The following DNAJC17 variants were observed in gnomAD, a reference collection of about 807,000 sequenced individuals.
The protein encoded by DNAJC17 is dnaJ homolog subfamily C member 17.
In DNAJC17, 35 loss-of-function variants were observed where a neutral mutation model predicts 48.1. The ratio of observed to expected loss-of-function variants is 0.73; its 90% confidence interval spans 0.56 to 0.96. The LOEUF (loss-of-function observed/expected upper bound fraction) is 0.96, where lower values mean the gene tolerates loss of function less well. DNAJC17 is among the 50% of genes least tolerant of loss of function. The pLI, the probability that DNAJC17 is intolerant of heterozygous loss-of-function variation, is 0.00. For synonymous variants in DNAJC17, 117 were observed against 142.7 expected, an observed-to-expected ratio of 0.82 and a Z score of 1.28; for missense variants, 355 against 377.1, an observed-to-expected ratio of 0.94 and a Z score of 0.48.
chr15:40,804,175 TC>T (rs1221448610), intron 1 of DNAJC17, among the ~76,000 whole-genome samples: 1 of 151,842 alleles, frequency 6.6e-6, no homozygotes, highest in Non-Finnish European at 1.5e-5. Flanking sequence ...TCACTACGTT[TC>T]CCAGGCTGGT....
rs536468576 is a variant in DNAJC17 at position 40,784,203 on chromosome 15, T to C, written c.79-4206A>G. On this transcript the variant is annotated intron_variant, in intron 1 of 10. Transcript: ENST00000220496. ...TGCACTCCAGCCTGGGCGACAAAAATAAAATTCTGTCTCAAAAAAAAAAAG... is the reference window on the plus strand; with the variant it reads ...TGCACTCCAGCCTGGGCGACAAAAACAAAATTCTGTCTCAAAAAAAAAAAG... 1.9e-4 allele frequency among the ~76,000 whole-genome samples: 29 copies of C among 150,578 alleles called. 1 individual carries two copies. In the South Asian group the frequency reaches 5.9e-3, roughly 30 times the overall value.
intron 1 of DNAJC17, among the ~76,000 whole-genome samples, chr15:40,797,098 C>T (rs1201150316): frequency 1.3e-5 from 2 of 151,988 alleles, no homozygotes; most frequent in African/African-American, 2.4e-5. Context: ...TGCCAGGGAT[C>T]GTAGCTCATG....
At chr15:40,791,396 C>T (rs1345289501) in intron 1 of DNAJC17, among the ~76,000 whole-genome samples, 2 of 151,828 alleles carry the variant, frequency 1.3e-5, no homozygotes, top group Admixed American at 1.3e-4. Context: ...GGTATGGTGG[C>T]GTGTGCCTGT....
At chr15:40,785,400 A>G (rs1283794993) in intron 1 of DNAJC17, among the ~76,000 whole-genome samples, 1 of 152,196 alleles carries the variant, frequency 6.6e-6, no homozygotes, top group African/African-American at 2.4e-5. Flanking sequence ...GTATTTTCAA[A>G]TTCGGAATCT....
intron 8 of DNAJC17, among the ~76,000 whole-genome samples, chr15:40,774,708 A>T (rs1052142592): frequency 6.6e-6 from 1 of 152,260 alleles, no homozygotes; most frequent in Admixed American, 6.5e-5. Context: ...TGCTAGTTGA[A>T]CGTGGTGAAA....
chr15:40,803,904 C>A (rs184547296), intron 1 of DNAJC17, among the ~76,000 whole-genome samples: 13 of 152,220 alleles, frequency 8.5e-5, no homozygotes, highest in African/African-American at 3.1e-4. Flanking sequence ...CCCCATCTGA[C>A]CCCCTAGTGG....
intron 1 of DNAJC17, 74 bp downstream of exon 1, chr15:40,807,295 G>A (rs1454461731): frequency 6.2e-7 from 1 of 1,612,708 alleles, no homozygotes; most frequent in Non-Finnish European, 8.5e-7. Context: ...GCGGATGCCA[G>A]CAGTGGCCGA....
intron 1 of DNAJC17, among the ~76,000 whole-genome samples, chr15:40,796,109 C>G (rs988918414): frequency 6.6e-6 from 1 of 152,218 alleles, no homozygotes; most frequent in African/African-American, 2.4e-5. Flanking sequence ...AATAATTTCA[C>G]TACATCATAA....
intron 1 of DNAJC17, among the ~76,000 whole-genome samples, chr15:40,799,310 C>G (rs558678983): frequency 2.0e-5 from 3 of 151,570 alleles, no homozygotes; most frequent in South Asian, 2.1e-4. Context: ...CACTTCCACC[C>G]GAAACCCAGG....
chr15:40,767,760 A>C lies in DNAJC17; in HGVS notation c.*180T>G, dbSNP rs972589959. On this transcript the variant is annotated 3_prime_UTR_variant, in exon 11 of 11. Coordinates refer to ENST00000220496, the MANE Select transcript of DNAJC17 (RefSeq NM_018163.3). ...GGACTCTGGGACTCTCACCCTGCGG[A>C]GCGTTTCCCTGGGGGTCTGCCCACT... 24 of 822,204 alleles carry C rather than the reference A, an allele frequency of 2.9e-5. No homozygotes were observed. The highest frequency in any genetic ancestry group is 4.4e-5 in the Non-Finnish European group (24 of 546,954). The allele number at this position is 822,204 out of a possible 1,614,324, so 50.9% of individuals were successfully genotyped here. A position where few individuals can be genotyped will look rare whatever the true frequency, so the allele number is the denominator to read the frequency against.
At position 40,767,904 on chromosome 15, in the gene DNAJC17, A is replaced by G; in HGVS notation, c.*36T>C. On this transcript the variant is annotated 3_prime_UTR_variant, in exon 11 of 11. Coordinates refer to ENST00000220496, the MANE Select transcript of DNAJC17 (RefSeq NM_018163.3). ...AAAAAAAATTTATTGGTGACGTTGAAGAAAAGGGCTGAGGGGTGGATGGCT... is the reference window on the plus strand; with the variant it reads ...AAAAAAAATTTATTGGTGACGTTGAGGAAAAGGGCTGAGGGGTGGATGGCT... The G allele has an allele frequency of 1.3e-6, 2 of 1,591,038 alleles. No homozygotes were observed. The highest frequency in any genetic ancestry group is 8.5e-7 in the Non-Finnish European group (1 of 1,173,934).
In DNAJC17 at chr15:40,767,529, G is replaced by T; in HGVS notation, c.*411C>A. The T allele has an allele frequency of 1.4e-6, 1 of 725,956 alleles. No individual in the cohort carries two copies. Among genetic ancestry groups the T allele is most frequent in the Non-Finnish European group, 2.1e-6 (1 of 473,322 alleles). 45.0% of individuals were successfully genotyped at this position (725,956 alleles called of 1,614,324 possible). ...TGAAACCCTGCGTCAAGCAGTGGGA[G>T]AGGGCAGTGCCCGGTGCCCTGGTGC... On this transcript the variant is annotated 3_prime_UTR_variant, in exon 11 of 11. Coordinates refer to ENST00000220496, the MANE Select transcript of DNAJC17 (RefSeq NM_018163.3).
At chr15:40,797,591 T>C (rs1285784056) in intron 1 of DNAJC17, among the ~76,000 whole-genome samples, 1 of 151,626 alleles carries the variant, frequency 6.6e-6, no homozygotes, top group Non-Finnish European at 1.5e-5. Context: ...TTTTGTATTT[T>C]AGTAGAGCCG....
At chr15:40,777,632 C>T (rs980487159) in intron 4 of DNAJC17, among the ~76,000 whole-genome samples, 2 of 151,644 alleles carry the variant, frequency 1.3e-5, no homozygotes, top group South Asian at 2.1e-4. Context: ...GCAGGAGAAT[C>T]GCTTGAACCC....
chr15:40,775,454 C>T, intron 7 of DNAJC17, 99 bp downstream of exon 7: 2 of 1,349,882 alleles, frequency 1.5e-6, no homozygotes, highest in African/African-American at 1.4e-5. Context: ...GCAGATCCAG[C>T]AGCCCCACCA....
chr15:40,770,969 TGAGG>T lies in DNAJC17; in HGVS notation c.792+2754_792+2757del, dbSNP rs1369937388. On this transcript the variant is annotated intron_variant, in intron 10 of 10. Coordinates refer to ENST00000220496, the MANE Select transcript of DNAJC17 (RefSeq NM_018163.3). The surrounding 1 kb of genome is among the most constrained non-coding windows in gnomAD (Gnocchi z 5.0). ...AAGTGGACCTGGGGATTTCACTTCTTGAGGAAGTTCTGCAGATGCTAAGGGAGCA... is the reference window on the plus strand; with the variant it reads ...AAGTGGACCTGGGGATTTCACTTCTTAAGTTCTGCAGATGCTAAGGGAGCA... 1 of 1,551,310 alleles carries T rather than the reference TGAGG, an allele frequency of 6.4e-7. No individual in the cohort carries two copies. Among genetic ancestry groups the T allele is most frequent in the South Asian group, 1.2e-5 (1 of 84,070 alleles).
chr15:40,807,287 G>C, intron 1 of DNAJC17, 82 bp downstream of exon 1: 1 of 1,611,432 alleles, frequency 6.2e-7, no homozygotes, highest in Admixed American at 1.7e-5. Context: ...CCTGGAGAGC[G>C]GATGCCAGCA....
At chr15:40,786,651 C>T (rs1889651186) in intron 1 of DNAJC17, among the ~76,000 whole-genome samples, 3 of 152,186 alleles carry the variant, frequency 2.0e-5, no homozygotes, top group Admixed American at 6.5e-5. Context: ...CGCTTAGAAA[C>T]ACTTGCATTT....
intron 1 of DNAJC17, among the ~76,000 whole-genome samples, chr15:40,783,336 T>C (rs1261344854): frequency 1.3e-5 from 2 of 152,224 alleles, no homozygotes; most frequent in African/African-American, 2.4e-5. Context: ...GACAGGAGTC[T>C]GTTGGGTGTT....
Sources: gnomAD v4.1 joint callset for allele counts (sites outside exome capture counted in the v4.1 genomes callset) on GRCh38, gnomAD v4.1.1 for gene constraint, Gnocchi (gnomAD v3.1) non-coding constraint, MANE v1.5 for transcripts, NCBI Gene and HGNC (gene_info 2026-07-23, HGNC 2026-07-21) for gene names.